The following CELA2B variants were observed in gnomAD, a reference collection of about 807,000 sequenced individuals.
The protein encoded by CELA2B is chymotrypsin like elastase 2B.
Under a neutral mutation model 36.5 loss-of-function variants are expected in CELA2B, and 27 were observed. The ratio of observed to expected loss-of-function variants is 0.74; its 90% CI spans 0.55 to 1.02. The LOEUF is 1.02. CELA2B is among the 50% of genes least tolerant of loss of function. The pLI is 0.00. For synonymous variants in CELA2B, 143 were observed against 148.5 expected, an observed-to-expected ratio of 0.96 and a Z score of 0.27; for missense variants, 340 against 347.8, an observed-to-expected ratio of 0.98 and a Z score of 0.18.
chr1:15,483,782 C>T lies in CELA2B; in HGVS notation c.493+382C>T, dbSNP rs117883145. On this transcript the variant is annotated intron_variant, in intron 5 of 7. Transcript: ENST00000375910. ...GTCTGTACTAAAAATATAAAAAACTCGCCAGGTGTGGTGTTGTGCGCCTGT... is the reference window on the plus strand; with the variant it reads ...GTCTGTACTAAAAATATAAAAAACTTGCCAGGTGTGGTGTTGTGCGCCTGT... Among the ~76,000 whole-genome samples the T allele has an allele frequency of 4.8e-3, 729 of 152,032 alleles. 7 individuals are homozygous for T. Among genetic ancestry groups the T allele is most frequent in the East Asian group, 0.022 (114 of 5,170 alleles).
chr1:15,487,588 C>T, intron 7 of CELA2B, 151 bp downstream of exon 7: 2 of 1,040,252 alleles, frequency 1.9e-6, no homozygotes, highest in Non-Finnish European at 2.8e-6. Flanking sequence ...TTGGCAACTG[C>T]TGAGTCCCCC....
intron 2 of CELA2B, among the ~76,000 whole-genome samples, chr1:15,479,732 G>A (rs1708718234): frequency 6.6e-6 from 1 of 152,170 alleles, no homozygotes; most frequent in African/African-American, 2.4e-5. Flanking sequence ...GGGATAGCGT[G>A]GTCACAGAAG....
intron 1 of CELA2B, 41 bp from the exon 2 acceptor site, chr1:15,476,416 G>T (rs761060552): frequency 1.9e-6 from 3 of 1,588,346 alleles, no homozygotes; most frequent in Non-Finnish European, 2.6e-6. Flanking sequence ...CATTGTGTGG[G>T]TCGCTGCTTC....
At chr1:15,486,123 C>A in intron 6 of CELA2B, 77 bp downstream of exon 6, 3 of 1,544,110 alleles carry the variant, frequency 1.9e-6, no homozygotes, top group South Asian at 1.2e-5. Context: ...GAAAACCATC[C>A]CTCCATAGGT....
chr1:15,483,349 A>G lies in CELA2B; in HGVS notation c.442A>G (p.Ile148Val), dbSNP rs538038132. Residue 148 changes from isoleucine to valine, a missense_variant, in exon 5 of 8, where the codon ATT (isoleucine) becomes GTT (valine). By Grantham distance (29) the Ile-to-Val change is conservative. Coordinates refer to ENST00000375910, the MANE Select transcript of CELA2B (RefSeq NM_015849.3). ...GGCCTGCCTCCCTCCTGCCGGCACC[A>G]TTCTACCCAACAACTACCCCTGCTA... Reference protein sequence around the residue: ...QLACLPPAGTILPNNYPCYVT... With the variant: ...QLACLPPAGTVLPNNYPCYVT... 3.7e-6 allele frequency: 6 copies of G among 1,614,072 alleles called. No individual in the cohort carries two copies. In the South Asian group the frequency reaches 6.6e-5, roughly 18 times the overall value.
chr1:15,486,237 TTGGGAGGCCGAGG>T (rs1342435441), intron 6 of CELA2B, among the ~76,000 whole-genome samples, 191 bp downstream of exon 6: 11 of 152,118 alleles, frequency 7.2e-5, no homozygotes, highest in African/African-American at 2.7e-4. Flanking sequence ...TCCCAGCACT[TTGGGAGGCCGAGG>T]TGGGTGGATG....
chr1:15,490,306 A>C (rs749485566), intron 7 of CELA2B, among the ~76,000 whole-genome samples: 1 of 152,146 alleles, frequency 6.6e-6, no homozygotes, highest in Non-Finnish European at 1.5e-5. Context: ...AAAAACTAGG[A>C]TCTGAGTCTT....
intron 2 of CELA2B, among the ~76,000 whole-genome samples, chr1:15,477,431 A>G (rs1361272596): frequency 6.6e-6 from 1 of 152,264 alleles, no homozygotes; most frequent in Non-Finnish European, 1.5e-5. Context: ...TTTATCTGAT[A>G]TAATTGGGAC....
chr1:15,476,540 T>G lies in CELA2B; in HGVS notation c.124T>G (p.Trp42Gly), dbSNP rs1424513801. 6.2e-7 allele frequency: 1 copy of G among 1,613,750 alleles called. No individual in the cohort carries two copies. The highest frequency in any genetic ancestry group is 2.2e-5 in the East Asian group (1 of 44,876). Residue 42 changes from tryptophan (W) to glycine (G), a missense_variant, in exon 2 of 8, where the codon TGG (tryptophan) becomes GGG (glycine). By Grantham distance (184) the Trp-to-Gly change is radical (BLOSUM62 -2). Coordinates refer to ENST00000375910, the MANE Select transcript of CELA2B (RefSeq NM_015849.3). ...GEEARPNSWP[W>G]QVSLQYSSNG... ...AGAAGCGAGGCCCAACAGCTGGCCC[T>G]GGCAGGTGAGTTGACCACACTGTAC...
chr1:15,476,482 C>T lies in CELA2B; in HGVS notation c.66C>T (p.Tyr22=), dbSNP rs772594074. Residue 22 remains tyrosine (Y), a synonymous_variant, in exon 2 of 8, where the codon TAC becomes TAT. Transcript: ENST00000375910. ...AGALSCGVST[Y]APDMSRMLGG... is the part of the protein sequence containing the mutation. ...CCCTCAGTTGTGGGGTCTCCACTTA[C>T]GCGCCTGATATGTCTAGGATGCTTG... 3.1e-5 allele frequency: 50 copies of T among 1,614,002 alleles called. No individual in the cohort carries two copies. Among genetic ancestry groups the T allele is most frequent in the South Asian group, 1.4e-4 (13 of 91,080 alleles).
intron 2 of CELA2B, 149 bp from the exon 3 acceptor site, chr1:15,480,949 G>A: frequency 1.4e-6 from 1 of 729,256 alleles, no homozygotes; most frequent in South Asian, 1.9e-5. Flanking sequence ...TATCTTCATG[G>A]CTGAGGTTTT....
Position 15,485,929 on chromosome 1 carries a change from G to T in CELA2B, c.522G>T (p.Lys174Asn). The T allele has an allele frequency of 6.2e-7, 1 of 1,614,212 alleles. No homozygotes were observed. Among genetic ancestry groups the T allele is most frequent in the Non-Finnish European group, 8.5e-7 (1 of 1,180,040 alleles). The change falls in exon 6 of 8, where the codon AAG (lysine) becomes AAT (asparagine). Residue 174 changes from lysine (K) to asparagine (N), a missense_variant. Transcript: ENST00000375910. ...ACGGGGCTCTCCCTGATGACCTGAA[G>T]CAGGGCCAGTTGCTGGTTGTGGACT... is the stretch of plus-strand genomic sequence containing the variant. ...QTNGALPDDL[K>N]QGQLLVVDYA...
At chr1:15,489,672 C>G (rs566769427) in intron 7 of CELA2B, among the ~76,000 whole-genome samples, 3 of 152,154 alleles carry the variant, frequency 2.0e-5, no homozygotes, top group African/African-American at 7.2e-5. Context: ...AAGTGGCCTG[C>G]GGCATTCATC....
intron 7 of CELA2B, among the ~76,000 whole-genome samples, chr1:15,489,226 T>C (rs1013076560): frequency 1.1e-4 from 17 of 150,370 alleles, no homozygotes; most frequent in Non-Finnish European, 2.5e-4. Flanking sequence ...CGATCTGTTG[T>C]CCCAGCATCA....
Position 15,491,381 on chromosome 1 carries a change from T to C in CELA2B, c.*69T>C. On this transcript the variant is annotated 3_prime_UTR_variant, in exon 8 of 8. Transcript: ENST00000375910. ...AGAAGGAAAATAATATTATATAAAG[T>C]GACAACTATGCAAATCACATCTTGA... is the stretch of plus-strand genomic sequence containing the variant. 7 of 1,564,404 alleles carry C rather than the reference T, an allele frequency of 4.5e-6. No homozygotes were observed. The South Asian group carries it at 7.8e-5, about 17-fold the overall frequency.
chr1:15,484,805 TAAA>T (rs1708784555), intron 5 of CELA2B, among the ~76,000 whole-genome samples: 1 of 152,162 alleles, frequency 6.6e-6, no homozygotes, highest in African/African-American at 2.4e-5. Context: ...TGGTGAAGAC[TAAA>T]AGAGGTGAAA....
chr1:15,483,163 G>T, intron 4 of CELA2B, 101 bp from the exon 5 acceptor site: 1 of 1,549,820 alleles, frequency 6.5e-7, no homozygotes. Flanking sequence ...GCAACCTGGG[G>T]TAACGTACAG....
chr1:15,487,585 C>A, intron 7 of CELA2B, 148 bp downstream of exon 7: 1 of 1,069,492 alleles, frequency 9.4e-7, no homozygotes, highest in Non-Finnish European at 1.3e-6. Flanking sequence ...ACCTTGGCAA[C>A]TGCTGAGTCC....
At position 15,486,742 on chromosome 1, in the gene CELA2B, C is replaced by T. The variant is rs867107555; in HGVS notation, c.640-543C>T. On this transcript the variant is annotated intron_variant, in intron 6 of 7. Transcript: ENST00000375910. ...GTGTGTCCCCTCCAGGTAGCTGTCA[C>T]GGAAACCTTCCTGGAGACAGTGTCT... Among the ~76,000 whole-genome samples the T allele has an allele frequency of 3.9e-5, 6 of 152,346 alleles. 1 individual carries two copies. Among genetic ancestry groups the T allele is most frequent in the Middle Eastern group, 6.8e-3 (2 of 294 alleles).
Sources: allele counts gnomAD v4.1 joint callset (sites outside exome capture counted in the v4.1 genomes callset), GRCh38; gene constraint gnomAD v4.1.1; transcripts MANE v1.5; gene names NCBI Gene and HGNC (gene_info 2026-07-23, HGNC 2026-07-21).